Variants in EFCAB6 observed in about 807,000 individuals in gnomAD.
The protein encoded by EFCAB6 is EF-hand calcium-binding domain-containing protein 6.
Under a neutral mutation model 169.8 loss-of-function variants are expected in EFCAB6, and 156 were observed. The ratio of observed to expected loss-of-function variants is 0.92; its 90% CI spans 0.81 to 1.05. EFCAB6 has a LOEUF of 1.05. Ranked by LOEUF, EFCAB6 falls within the 50% of genes least tolerant of loss-of-function variation. EFCAB6 has a pLI of 0.00. For missense variants in EFCAB6, 1,800 were observed against 1,829.1 expected (o/e 0.98, Z 0.29); for synonymous variants, 698 against 676.4 (o/e 1.03, Z -0.50).
intron 26 of EFCAB6, among the ~76,000 whole-genome samples, chr22:43,573,016 G>T (rs1379778249): frequency 2.0e-5 from 3 of 152,220 alleles, no homozygotes; most frequent in African/African-American, 7.2e-5. Flanking sequence ...GAAAAGGCAG[G>T]AGAGAACAGG....
chr22:43,655,003 A>C (rs1319922679), intron 17 of EFCAB6, among the ~76,000 whole-genome samples: 1 of 152,180 alleles, frequency 6.6e-6, no homozygotes, highest in South Asian at 2.1e-4. Context: ...CACACCTATA[A>C]TCTTAGCACT....
intron 20 of EFCAB6, among the ~76,000 whole-genome samples, chr22:43,619,453 T>A (rs1379160193): frequency 1.3e-5 from 2 of 152,110 alleles, no homozygotes; most frequent in Non-Finnish European, 2.9e-5. Context: ...AAAATCTCCA[T>A]AATGCTCAAT....
At chr22:43,536,581 C>G (rs67294411) in intron 29 of EFCAB6, 14 of 152,116 alleles carry the variant, frequency 9.2e-5, no homozygotes, top group Non-Finnish European at 1.6e-4. Flanking sequence ...TTGGGTCACA[C>G]CTGATCCTAG....
At chr22:43,695,937 A>T (rs1157872046) in intron 10 of EFCAB6, among the ~76,000 whole-genome samples, 1 of 152,084 alleles carries the variant, frequency 6.6e-6, no homozygotes, top group Non-Finnish European at 1.5e-5. Context: ...CACCCCCAAA[A>T]TATTACCCAT....
intron 23 of EFCAB6, among the ~76,000 whole-genome samples, chr22:43,598,310 GGAAAAAAAAAAAAAA>G (rs1235045913): frequency 1.7e-5 from 1 of 57,660 alleles, no homozygotes; most frequent in Non-Finnish European, 3.4e-5. Flanking sequence ...ACTGTCTCCG[GGAAAAAAAAAAAAAA>G]AAAAAAAAAA....
At chr22:43,579,387 C>A (rs2050526148) in intron 25 of EFCAB6, among the ~76,000 whole-genome samples, 1 of 151,370 alleles carries the variant, frequency 6.6e-6, no homozygotes, top group Non-Finnish European at 1.5e-5. Context: ...TCCCTACACG[C>A]AGGCATCATT....
chr22:43,732,618 C>T (rs2059996558), intron 7 of EFCAB6, among the ~76,000 whole-genome samples: 1 of 151,738 alleles, frequency 6.6e-6, no homozygotes, highest in Admixed American at 6.6e-5. Context: ...AGCCATACAC[C>T]ACCACGCCTG....
intron 17 of EFCAB6, among the ~76,000 whole-genome samples, chr22:43,661,103 G>A (rs76581629): frequency 0.083 from 12,627 of 152,172 alleles, 656 homozygotes; most frequent in South Asian, 0.16. Context: ...GGCTAGGCGC[G>A]GTGGCTCACA....
At chr22:43,809,925 G>A (rs2063052039) in intron 1 of EFCAB6, among the ~76,000 whole-genome samples, 1 of 151,808 alleles carries the variant, frequency 6.6e-6, no homozygotes, top group Admixed American at 6.6e-5. Flanking sequence ...TTTTGAGACA[G>A]GGTCTCATTC....
intron 2 of EFCAB6, among the ~76,000 whole-genome samples, chr22:43,792,651 C>T (rs935311837): frequency 3.3e-5 from 5 of 152,170 alleles, no homozygotes; most frequent in African/African-American, 1.2e-4. Context: ...AGTTATTCTT[C>T]TTCCCACATC....
At chr22:43,802,936 T>C (rs577679810) in intron 2 of EFCAB6, among the ~76,000 whole-genome samples, 1 of 152,348 alleles carries the variant, frequency 6.6e-6, no homozygotes, top group East Asian at 1.9e-4. Context: ...TAATAGAATG[T>C]CTTCAAAACT....
intron 17 of EFCAB6, among the ~76,000 whole-genome samples, chr22:43,651,638 G>A (rs994671117): frequency 6.6e-6 from 1 of 152,216 alleles, no homozygotes; most frequent in Non-Finnish European, 1.5e-5. Context: ...CTTGGACCAT[G>A]CTCCTGGAAA....
intron 9 of EFCAB6, 98 bp from the exon 10 acceptor site, chr22:43,711,721 C>G (rs1251859097): frequency 1.4e-6 from 2 of 1,440,272 alleles, no homozygotes; most frequent in South Asian, 1.4e-5. Flanking sequence ...TCAAATTTTT[C>G]TCTCCAAAAA....
rs575881906 is a variant in EFCAB6 at position 43,568,459 on chromosome 22, C to T, written c.3420+7838G>A. ...GCTTAATTGATCCACAAATGGTTGT[C>T]GTGGCTCTGGAGGGACCAAATGAAT... On this transcript the variant is annotated intron_variant, in intron 26 of 31. Transcript: ENST00000262726. Among the ~76,000 whole-genome samples, 244 of 152,284 alleles carry T rather than the reference C, an allele frequency of 1.6e-3. 1 individual carries two copies. The highest frequency in any genetic ancestry group is 5.5e-3 in the African/African-American group (229 of 41,548).
intron 6 of EFCAB6, among the ~76,000 whole-genome samples, chr22:43,742,536 A>G (rs1341025069): frequency 1.3e-5 from 2 of 152,274 alleles, no homozygotes; most frequent in Non-Finnish European, 2.9e-5. Flanking sequence ...AGATTTTAAA[A>G]GGAAACCAAA....
At chr22:43,576,588 C>G (rs2050272465) in intron 25 of EFCAB6, 100 bp from the exon 26 acceptor site, 1 of 1,040,968 alleles carries the variant, frequency 9.6e-7, no homozygotes, top group African/African-American at 1.7e-5. Flanking sequence ...CAAATGAAGC[C>G]TAGTGTATAA....
At position 43,659,849 on chromosome 22, in the gene EFCAB6, G is replaced by A. The variant is rs561953156; in HGVS notation, c.1983+7255C>T. Among the ~76,000 whole-genome samples the A allele has an allele frequency of 2.8e-3, 433 of 152,324 alleles. 2 individuals are homozygous for A. Among genetic ancestry groups the A allele is most frequent in the Middle Eastern group, 0.027 (8 of 294 alleles). ...GGAGGAAGTGCTCTGCACAGAGGAA[G>A]AAGGAAAGCACATCTCGGGCTAAGC... is the stretch of plus-strand genomic sequence containing the variant. On this transcript the variant is annotated intron_variant, in intron 17 of 31. Coordinates refer to ENST00000262726, the MANE Select transcript of EFCAB6 (RefSeq NM_022785.4).
At chr22:43,788,662 G>T (rs1051729387) in intron 2 of EFCAB6, among the ~76,000 whole-genome samples, 1 of 152,198 alleles carries the variant, frequency 6.6e-6, no homozygotes, top group African/African-American at 2.4e-5. Context: ...CTTTGGAATA[G>T]AATTTGAGAA....
At chr22:43,703,749 A>C (rs1028007639) in intron 10 of EFCAB6, among the ~76,000 whole-genome samples, 11 of 152,064 alleles carry the variant, frequency 7.2e-5, no homozygotes, top group African/African-American at 2.4e-4. Flanking sequence ...CTTCAACAGC[A>C]TGCTCATTCA....
Sources: gnomAD v4.1 joint callset for allele counts (sites outside exome capture counted in the v4.1 genomes callset) on GRCh38, gnomAD v4.1.1 for gene constraint, MANE v1.5 for transcripts, NCBI Gene and HGNC (gene_info 2026-07-23, HGNC 2026-07-21) for gene names.